The following NPIPB2 variants were observed in gnomAD, a reference collection of about 807,000 sequenced individuals.
The protein encoded by NPIPB2 is nuclear pore complex interacting protein family member B2, also known as nuclear pore complex-interacting protein family member B2.
NPIPB2 carries 27 observed loss-of-function variants against 30.8 expected under a neutral mutation model. The observed-to-expected ratio is 0.88, with a 90% confidence interval of 0.65 to 1.21. The LOEUF is 1.21. Among genes scored for constraint, NPIPB2 ranks in the 50% most tolerant of loss-of-function variants. The pLI, the probability that NPIPB2 is intolerant of heterozygous loss-of-function variation, is 0.00. For synonymous variants in NPIPB2, 147 were observed against 162.0 expected (o/e 0.91, Z 0.70); for missense variants, 440 against 446.2 (o/e 0.99, Z 0.13).
chr16:11,958,895 G>A (rs2055134642), intron 1 of NPIPB2, among the ~76,000 whole-genome samples: 1 of 152,204 alleles, frequency 6.6e-6, no homozygotes, highest in African/African-American at 2.4e-5. Context: ...GCAGGATCTC[G>A]GGAGGTGAAG....
intron 1 of NPIPB2, chr16:11,965,252 G>C: frequency 6.3e-7 from 1 of 1,581,224 alleles, no homozygotes; most frequent in Non-Finnish European, 8.6e-7. Context: ...ATTTGCTCTG[G>C]AATTCTTGTA....
At chr16:11,950,652 G>A (rs1043709622) in intron 1 of NPIPB2, among the ~76,000 whole-genome samples, 26 of 152,102 alleles carry the variant, frequency 1.7e-4, no homozygotes, top group African/African-American at 6.3e-4. Context: ...GCCTGGCTGT[G>A]AATAACAGTG....
At chr16:11,957,267 C>T (rs937413737) in intron 1 of NPIPB2, among the ~76,000 whole-genome samples, 1 of 151,020 alleles carries the variant, frequency 6.6e-6, no homozygotes, top group Admixed American at 6.6e-5. Flanking sequence ...TGGGTTCAAG[C>T]GATTCTCCTG....
chr16:11,974,224 G>C (rs969232604), intron 1 of NPIPB2, among the ~76,000 whole-genome samples: 1 of 152,082 alleles, frequency 6.6e-6, no homozygotes, highest in African/African-American at 2.4e-5. Flanking sequence ...CATTATTACA[G>C]AGAATGCTGC....
At chr16:11,960,442 T>C (rs962803026) in intron 1 of NPIPB2, among the ~76,000 whole-genome samples, 7 of 149,950 alleles carry the variant, frequency 4.7e-5, no homozygotes, top group African/African-American at 1.7e-4. Flanking sequence ...CTGCAACCTC[T>C]GCCTCCCAGG....
upstream of NPIPB2, among the ~76,000 whole-genome samples, chr16:11,944,238 C>T (rs1323810700): frequency 1.3e-5 from 2 of 149,660 alleles, no homozygotes; most frequent in African/African-American, 2.5e-5. Context: ...ATTGCGGTCT[C>T]GGCTCACTGA....
chr16:11,951,619 T>TACACACACACACACACACAC (rs1237887146), intron 1 of NPIPB2, among the ~76,000 whole-genome samples: 8 of 115,902 alleles, frequency 6.9e-5, no homozygotes, highest in African/African-American at 2.3e-4. Flanking sequence ...ACACTGCACA[T>TACACACACACACACACACAC]ACACATACAC....
chr16:11,966,309 C>T, intron 1 of NPIPB2: 1 of 1,613,548 alleles, frequency 6.2e-7, no homozygotes, highest in Non-Finnish European at 8.5e-7. Context: ...AAGATAAACT[C>T]TGAACCATTA....
chr16:11,965,302 T>A (rs1934398195), intron 1 of NPIPB2: 2 of 1,613,872 alleles, frequency 1.2e-6, no homozygotes, highest in Middle Eastern at 1.7e-4. Context: ...TTTCTGTAGC[T>A]CCCTTGTTTT....
chr16:11,948,108 G>T (rs2055029702), intron 1 of NPIPB2, among the ~76,000 whole-genome samples: 1 of 151,324 alleles, frequency 6.6e-6, no homozygotes, highest in Non-Finnish European at 1.5e-5. Context: ...GGGGTGGGAA[G>T]AGTCACTGCC....
intron 1 of NPIPB2, among the ~76,000 whole-genome samples, chr16:11,965,928 G>A (rs1371914803): frequency 6.6e-6 from 1 of 152,118 alleles, no homozygotes; most frequent in Non-Finnish European, 1.5e-5. Flanking sequence ...TGGCCAACCT[G>A]GTGAAACCCT....
At chr16:11,966,240 G>T (rs150754620) in intron 1 of NPIPB2, 93 of 1,614,038 alleles carry the variant, frequency 5.8e-5, no homozygotes, top group Non-Finnish European at 7.8e-5. Flanking sequence ...CTCTGGACCT[G>T]TTTGGGACTG....
chr16:11,951,665 CA>C (rs1467291881), intron 1 of NPIPB2, among the ~76,000 whole-genome samples: 8 of 149,330 alleles, frequency 5.4e-5, no homozygotes, highest in Non-Finnish European at 7.4e-5. Flanking sequence ...CACACACACA[CA>C]CCCAGCCCCC....
chr16:11,938,300 G>GC (rs1206491874), intron 1 of NPIPB2, among the ~76,000 whole-genome samples: 5 of 151,812 alleles, frequency 3.3e-5, no homozygotes, highest in Non-Finnish European at 7.4e-5. Context: ...ACAGGTGTGA[G>GC]CCACCGTGCC....
upstream of NPIPB2, among the ~76,000 whole-genome samples, chr16:11,943,345 A>G (rs2150920602): frequency 6.6e-6 from 1 of 152,294 alleles, no homozygotes; most frequent in East Asian, 1.9e-4. Context: ...ACAAACAAAC[A>G]AACAAAAAAC....
chr16:11,946,570 C>T (rs960122930), upstream of NPIPB2, among the ~76,000 whole-genome samples: 2 of 151,804 alleles, frequency 1.3e-5, no homozygotes, highest in Non-Finnish European at 1.5e-5. Context: ...GAGACCATAT[C>T]TTTAAGAAAA....
At chr16:11,975,628 T>C (rs1244404585) in intron 1 of NPIPB2, among the ~76,000 whole-genome samples, 3 of 151,792 alleles carry the variant, frequency 2.0e-5, no homozygotes, top group African/African-American at 7.3e-5. Context: ...TCTCACTCTG[T>C]CACCCAGGCT....
At chr16:11,976,632 G>A (rs1169919189) in exon 1 of NPIPB2, 2 of 391,992 alleles carry the variant, frequency 5.1e-6, no homozygotes, top group Non-Finnish European at 8.7e-6. Flanking sequence ...ACTTGGATCT[G>A]CGCCGCGGTT....
chr16:11,967,389 G>A (rs1596507815), intron 1 of NPIPB2, among the ~76,000 whole-genome samples: 1 of 152,176 alleles, frequency 6.6e-6, no homozygotes, highest in Admixed American at 6.5e-5. Flanking sequence ...GTAGGCTAAC[G>A]TGGGAGGATT....
Sources: gnomAD v4.1 joint callset for allele counts (sites outside exome capture counted in the v4.1 genomes callset) on GRCh38, gnomAD v4.1.1 for gene constraint, MANE v1.5 for transcripts, NCBI Gene and HGNC (gene_info 2026-07-23, HGNC 2026-07-21) for gene names.